Variants in UPF2 observed in about 807,000 individuals in gnomAD.
The protein encoded by UPF2 is regulator of nonsense transcripts 2.
UPF2 carries 17 observed loss-of-function variants against 141.4 expected under a neutral mutation model. The ratio of observed to expected loss-of-function variants is 0.12; its 90% CI spans 0.08 to 0.18. The LOEUF (loss-of-function observed/expected upper bound fraction) is 0.18. UPF2 is among the 10% of genes least tolerant of loss of function. The pLI, the probability that UPF2 is intolerant of heterozygous loss-of-function variation, is 1.00. For missense variants in UPF2, 1,152 were observed against 1,515.9 expected (o/e 0.76, Z 3.99); for synonymous variants, 540 against 498.0 (o/e 1.08, Z -1.12).
At chr10:12,008,632 A>AAG (rs1336295918) in intron 4 of UPF2, among the ~76,000 whole-genome samples, 3 of 34,464 alleles carry the variant, frequency 8.7e-5, no homozygotes, top group African/African-American at 2.1e-4. Flanking sequence ...ACCACCTCAA[A>AAG]AAAAAAAAAA....
chr10:11,941,908 G>A (rs1044388852), intron 18 of UPF2, among the ~76,000 whole-genome samples: 1 of 152,170 alleles, frequency 6.6e-6, no homozygotes, highest in Non-Finnish European at 1.5e-5. Context: ...TTAATGTTAT[G>A]AATACATTAA....
chr10:11,944,789 C>A (rs575682232), intron 16 of UPF2, among the ~76,000 whole-genome samples: 7 of 152,280 alleles, frequency 4.6e-5, no homozygotes, highest in South Asian at 2.1e-4. Flanking sequence ...TTTGTCCTAT[C>A]CCAGTGTACA....
chr10:12,011,199 C>T (rs1399265596), intron 4 of UPF2, among the ~76,000 whole-genome samples: 2 of 152,202 alleles, frequency 1.3e-5, no homozygotes, highest in Non-Finnish European at 2.9e-5. Flanking sequence ...CGCTATGTTA[C>T]CCAGGCTAGT....
chr10:12,029,540 CAAAT>C lies in UPF2; in HGVS notation c.366-20_366-17del. 1 of 1,558,498 alleles carries C rather than the reference CAAAT, an allele frequency of 6.4e-7. No individual in the cohort carries two copies. Among genetic ancestry groups the C allele is most frequent in the Non-Finnish European group, 8.6e-7 (1 of 1,158,990 alleles). On this transcript the variant is annotated splice_polypyrimidine_tract_variant and intron_variant, in intron 2 of 21. Transcript: ENST00000357604. The stretch of plus-strand genomic sequence containing the variant: ...TTCTTTTTCTCTATATAAAAACAAA[CAAAT>C]AAATAAAATACTCTCTACATTTTGA...
chr10:11,952,362 T>TAA (rs1478749386), intron 14 of UPF2, 113 bp from the exon 15 acceptor site: 13 of 908,242 alleles, frequency 1.4e-5, no homozygotes, highest in Non-Finnish European at 1.7e-5. Context: ...TGAAAGGTTA[T>TAA]AAAAGACACT....
chr10:12,030,608 G>A (rs986050146), intron 2 of UPF2, among the ~76,000 whole-genome samples: 6 of 151,936 alleles, frequency 3.9e-5, no homozygotes, highest in Non-Finnish European at 5.9e-5. Context: ...TTTGAGGCCT[G>A]GGCAGTGGCT....
rs1032997084 is a variant in UPF2, at chr10:11,940,705, G to A, written c.3378+1960C>T. On this transcript the variant is annotated intron_variant, in intron 18 of 21. Coordinates refer to ENST00000357604, the MANE Select transcript of UPF2 (RefSeq NM_015542.4). This position sits in a 1 kb window ranked among gnomAD's most constrained non-coding sequence, Gnocchi z 4.2. ...CTCAAATCCAGACTTCTCTCCATGT[G>A]CCTTGCCATATGCTAGACAGCTGAC... Among the ~76,000 whole-genome samples, 32 of 152,214 alleles carry A rather than the reference G, an allele frequency of 2.1e-4. No homozygotes were observed. The highest frequency in any genetic ancestry group is 5.2e-4 in the Admixed American group (8 of 15,288).
chr10:11,931,318 C>A lies in UPF2; in HGVS notation c.3688+323G>T, dbSNP rs1167167900. On this transcript the variant is annotated intron_variant, in intron 20 of 21. Transcript: ENST00000357604. This position sits in a 1 kb window ranked among gnomAD's most constrained non-coding sequence, Gnocchi z 5.9. ...GCCTAATGTCACATTTTTTAGAATG[C>A]ATCCCTGTCATTAAGCAAGGCATAC... Among the ~76,000 whole-genome samples the A allele has an allele frequency of 6.6e-6, 1 of 152,144 alleles. No individual in the cohort carries two copies. The highest frequency in any genetic ancestry group is 1.5e-5 in the Non-Finnish European group (1 of 68,016).
rs185140564 is a variant in UPF2 at position 11,945,513 on chromosome 10, T to A, written c.3175-2345A>T. ...TAATTTCTCACAAAGTGAACCAGAGTCCCAGTTCACTTCTCCCACACACAA... is the reference window on the plus strand; with the variant it reads ...TAATTTCTCACAAAGTGAACCAGAGACCCAGTTCACTTCTCCCACACACAA... On this transcript the variant is annotated intron_variant, in intron 16 of 21. Transcript: ENST00000357604. 2.1e-3 allele frequency among the ~76,000 whole-genome samples: 327 copies of A among 152,150 alleles called. 2 individuals carry two copies. Among genetic ancestry groups the A allele is most frequent in the African/African-American group, 7.6e-3 (314 of 41,492 alleles).
At chr10:11,938,853 G>C (rs140447717) in intron 18 of UPF2, among the ~76,000 whole-genome samples, 1 of 79,814 alleles carries the variant, frequency 1.3e-5, no homozygotes, top group Non-Finnish European at 2.3e-5. Flanking sequence ...TTTTTTTTTT[G>C]TTTTTTTTTT....
Position 11,959,288 on chromosome 10 carries a change from T to A in UPF2, c.2253A>T (p.Ala751=). ...DARYVTMVEN[A]YYYCNPPPAE... ...CTGGAGGTGGGTTGCAGTAGTAATA[T>A]GCATTCTCTACCATTGTGACGTATC... The change falls in exon 12 of 22, where the codon GCA becomes GCT. Residue 751 remains alanine (A), a synonymous_variant. Transcript: ENST00000357604. This position sits in a 1 kb window ranked among gnomAD's most constrained non-coding sequence, Gnocchi z 5.9. 1 of 1,612,476 alleles carries A rather than the reference T, an allele frequency of 6.2e-7. No homozygotes were observed. The highest frequency in any genetic ancestry group is 2.2e-5 in the East Asian group (1 of 44,862).
At chr10:11,960,002 T>G (rs140913346) in intron 11 of UPF2, among the ~76,000 whole-genome samples, 2 of 152,192 alleles carry the variant, frequency 1.3e-5, no homozygotes, top group Non-Finnish European at 2.9e-5. Context: ...AAGAGGTAAC[T>G]AACAAATACA....
intron 3 of UPF2, among the ~76,000 whole-genome samples, chr10:12,023,605 G>A (rs564776018): frequency 2.0e-5 from 3 of 151,364 alleles, no homozygotes; most frequent in Non-Finnish European, 3.0e-5. Flanking sequence ...CAAGGGAATC[G>A]GTTGAACCCA....
At chr10:12,030,568 T>A (rs1588579546) in intron 2 of UPF2, among the ~76,000 whole-genome samples, 1 of 135,392 alleles carries the variant, frequency 7.4e-6, no homozygotes, top group Non-Finnish European at 1.6e-5. Context: ...TAATAATAAT[T>A]AGCACTATAA....
chr10:11,956,466 T>C lies in UPF2; in HGVS notation c.2428A>G (p.Ile810Val). ...TTCCAGATGTTTATCATACAACAAA[T>C]AACATAGTCTTTCACTTCTTGGTCC... ...WQDQEVKDYV[I>V]CCMINIWNVK... The change falls in exon 13 of 22, where the codon ATT becomes GTT. Residue 810 changes from isoleucine to valine, a missense_variant. Physicochemically the swap from Ile to Val is conservative, Grantham distance 29. Coordinates refer to ENST00000357604, the MANE Select transcript of UPF2 (RefSeq NM_015542.4). The surrounding 1 kb of genome is among the most constrained non-coding windows in gnomAD (Gnocchi z 4.2). 1 of 1,614,054 alleles carries C rather than the reference T, an allele frequency of 6.2e-7. No individual in the cohort carries two copies. The highest frequency in any genetic ancestry group is 8.5e-7 in the Non-Finnish European group (1 of 1,179,950).
intron 16 of UPF2, among the ~76,000 whole-genome samples, chr10:11,947,715 A>G (rs1180769261): frequency 1.4e-5 from 2 of 143,836 alleles, no homozygotes; most frequent in African/African-American, 5.1e-5. Context: ...TGAGCCCAAG[A>G]GGTTGAGGCT....
chr10:12,012,187 T>C (rs555293104), intron 4 of UPF2, among the ~76,000 whole-genome samples: 29 of 150,784 alleles, frequency 1.9e-4, no homozygotes, highest in Non-Finnish European at 4.0e-4. Flanking sequence ...CTCAGCCTCC[T>C]GAGTAGCTGG....
rs752810366 is a variant in UPF2 at position 11,959,136 on chromosome 10, G to A, written c.2370+35C>T. On this transcript the variant is annotated intron_variant, in intron 12 of 21. Transcript: ENST00000357604. This position sits in a 1 kb window ranked among gnomAD's most constrained non-coding sequence, Gnocchi z 5.9. ...AGCTTAGCACTACCACAAATCTCAC[G>A]TTAACTATTAACTGCATGATTTCAT... 6.5e-6 allele frequency: 10 copies of A among 1,536,760 alleles called. No homozygotes were observed. Among genetic ancestry groups the A allele is most frequent in the African/African-American group, 5.6e-5 (4 of 71,880 alleles).
intron 8 of UPF2, among the ~76,000 whole-genome samples, chr10:11,987,383 G>A (rs1251812984): frequency 6.6e-6 from 1 of 152,162 alleles, no homozygotes; most frequent in Admixed American, 6.6e-5. Flanking sequence ...TTAGTTGTGT[G>A]TATAGCTATG....
Sources: gnomAD v4.1 joint callset for allele counts (sites outside exome capture counted in the v4.1 genomes callset) on GRCh38, gnomAD v4.1.1 for gene constraint, Gnocchi (gnomAD v3.1) non-coding constraint, MANE v1.5 for transcripts, NCBI Gene and HGNC (gene_info 2026-07-23, HGNC 2026-07-21) for gene names.